AP2B1: variants seen among roughly 807,000 people sequenced by gnomAD.
AP2B1 encodes the protein adaptor related protein complex 2 subunit beta 1, also known as AP-2 complex subunit beta.
A neutral mutation model predicts 102.0 loss-of-function variants in AP2B1; 23 were observed. That is an observed-to-expected ratio of 0.23 (90% CI 0.16 to 0.32). The LOEUF (loss-of-function observed/expected upper bound fraction) is 0.32. Ranked by LOEUF, AP2B1 falls within the 10% of genes least tolerant of loss-of-function variation. The pLI, the probability that AP2B1 is intolerant of heterozygous loss-of-function variation, is 1.00. For missense variants in AP2B1, 541 were observed against 1,157.4 expected, an observed-to-expected ratio of 0.47 and a Z score of 7.73; for synonymous variants, 381 against 421.2, an observed-to-expected ratio of 0.90 and a Z score of 1.17.
intron 16 of AP2B1, among the ~76,000 whole-genome samples, chr17:35,672,117 C>T (rs1169109606): frequency 2.0e-5 from 3 of 152,180 alleles, no homozygotes; most frequent in Admixed American, 1.3e-4. Flanking sequence ...TAAAATTTGA[C>T]ATATTAATTA....
intron 14 of AP2B1, among the ~76,000 whole-genome samples, chr17:35,666,845 A>G (rs755041619): frequency 7.9e-5 from 12 of 152,164 alleles, no homozygotes; most frequent in Admixed American, 3.3e-4. Context: ...CTGAATCCCA[A>G]TAATCTCAGG....
At chr17:35,650,276 G>C (rs2075054298) in intron 12 of AP2B1, among the ~76,000 whole-genome samples, 1 of 151,672 alleles carries the variant, frequency 6.6e-6, no homozygotes, top group South Asian at 2.1e-4. Flanking sequence ...TATATTTTTT[G>C]TAGAGGCAAG....
chr17:35,641,499 G>C (rs1207762756), intron 11 of AP2B1, among the ~76,000 whole-genome samples: 5 of 152,106 alleles, frequency 3.3e-5, no homozygotes, highest in African/African-American at 1.2e-4. Flanking sequence ...GATTGCTTGA[G>C]TCCAGGAGTT....
intron 20 of AP2B1, 63 bp from the exon 21 acceptor site, chr17:35,717,130 GAA>G: frequency 6.4e-7 from 1 of 1,558,300 alleles, no homozygotes; most frequent in East Asian, 2.2e-5. Context: ...AAGGATGTGA[GAA>G]GAGAGTGTAC....
chr17:35,663,440 G>T (rs2075399052), intron 14 of AP2B1, among the ~76,000 whole-genome samples: 1 of 151,622 alleles, frequency 6.6e-6, no homozygotes, highest in South Asian at 2.1e-4. Flanking sequence ...GCAGAGTTGG[G>T]ATTTGAACCC....
chr17:35,720,587 T>A (rs1168717320), intron 21 of AP2B1, among the ~76,000 whole-genome samples: 23 of 115,024 alleles, frequency 2.0e-4, no homozygotes, highest in African/African-American at 4.2e-4. Flanking sequence ...TTTTTTTTTT[T>A]TTTTTTTTTT....
At chr17:35,653,982 T>G (rs951423455) in intron 13 of AP2B1, among the ~76,000 whole-genome samples, 30 of 152,214 alleles carry the variant, frequency 2.0e-4, no homozygotes, top group African/African-American at 6.8e-4. Context: ...ATCTTTTGCT[T>G]CTTAGTTTTT....
chr17:35,599,026 A>G (rs1465622644), intron 3 of AP2B1, among the ~76,000 whole-genome samples: 3 of 152,270 alleles, frequency 2.0e-5, no homozygotes, highest in Non-Finnish European at 2.9e-5. Flanking sequence ...CCATAATGGT[A>G]GTCATTGTAT....
At chr17:35,595,774 C>T (rs752715828) in intron 2 of AP2B1, among the ~76,000 whole-genome samples, 30 of 152,284 alleles carry the variant, frequency 2.0e-4, no homozygotes, top group Non-Finnish European at 4.1e-4. Flanking sequence ...TTACACCTCA[C>T]AAAAGCCATT....
chr17:35,592,539 C>CTATTTATTTATT (rs915096702), intron 1 of AP2B1, among the ~76,000 whole-genome samples: 1 of 151,376 alleles, frequency 6.6e-6, no homozygotes, highest in African/African-American at 2.4e-5. Flanking sequence ...GCCCAAATTC[C>CTATTTATTTATT]TATTTATTTA....
At chr17:35,681,431 G>A (rs587678194) in intron 17 of AP2B1, among the ~76,000 whole-genome samples, 11 of 152,274 alleles carry the variant, frequency 7.2e-5, no homozygotes, top group South Asian at 2.1e-4. Context: ...ACAGGGTGTC[G>A]CTCTGTCATC....
At chr17:35,634,497 A>G (rs1167388964) in intron 9 of AP2B1, among the ~76,000 whole-genome samples, 6 of 152,152 alleles carry the variant, frequency 3.9e-5, no homozygotes, top group Non-Finnish European at 7.4e-5. Context: ...CTGTTCTGGT[A>G]TCTCTCTCTT....
chr17:35,668,985 AGTAAATGTTAT>A (rs1434196080), intron 14 of AP2B1, among the ~76,000 whole-genome samples: 2 of 152,310 alleles, frequency 1.3e-5, no homozygotes, highest in African/African-American at 4.8e-5. Flanking sequence ...CCTTGCATCC[AGTAAATGTTAT>A]GTAAATGTTT....
chr17:35,711,162 T>G (rs1294076804), intron 20 of AP2B1, among the ~76,000 whole-genome samples: 1 of 152,192 alleles, frequency 6.6e-6, no homozygotes, highest in Non-Finnish European at 1.5e-5. Context: ...TGCCTTTGTT[T>G]CACTGTTGCT....
intron 1 of AP2B1, among the ~76,000 whole-genome samples, chr17:35,591,356 A>T (rs1238627237): frequency 6.6e-6 from 1 of 152,008 alleles, no homozygotes; most frequent in African/African-American, 2.4e-5. Flanking sequence ...TATTTTTATT[A>T]GAGACGGAGT....
chr17:35,680,689 T>TTTTTTTGG (rs2075800452), intron 17 of AP2B1, among the ~76,000 whole-genome samples: 1 of 56,926 alleles, frequency 1.8e-5, no homozygotes, highest in African/African-American at 8.9e-5. Context: ...GGTTTTGGTT[T>TTTTTTTGG]TTTTTTTTTT....
intron 5 of AP2B1, among the ~76,000 whole-genome samples, chr17:35,609,280 G>T (rs1362096471): frequency 6.6e-6 from 1 of 151,896 alleles, no homozygotes; most frequent in African/African-American, 2.4e-5. Flanking sequence ...GAACTCCTGG[G>T]TTCAAGCACT....
At chr17:35,673,333 C>T (rs549063048) in intron 16 of AP2B1, among the ~76,000 whole-genome samples, 29 of 152,144 alleles carry the variant, frequency 1.9e-4, no homozygotes, top group Non-Finnish European at 3.2e-4. Flanking sequence ...TACAGGCGCC[C>T]GCCACCACTC....
At chr17:35,650,475 T>C in intron 12 of AP2B1, 55 bp from the exon 13 acceptor site, 24 of 1,581,644 alleles carry the variant, frequency 1.5e-5, no homozygotes, top group Non-Finnish European at 1.8e-5. Context: ...GCAGTTTGGG[T>C]TTCTGTATGG....
Sources: allele counts gnomAD v4.1 joint callset (sites outside exome capture counted in the v4.1 genomes callset), GRCh38; gene constraint gnomAD v4.1.1; transcripts MANE v1.5; gene names NCBI Gene and HGNC (gene_info 2026-07-23, HGNC 2026-07-21).